Variants in TANC1 observed in about 807,000 individuals in gnomAD.
TANC1 encodes the protein tetratricopeptide repeat, ankyrin repeat and coiled-coil containing 1.
Under a neutral mutation model 149.7 loss-of-function variants are expected in TANC1, and 77 were observed. The ratio of observed to expected loss-of-function variants is 0.51; its 90% CI spans 0.43 to 0.62. The LOEUF is 0.62. TANC1 is among the 20% of genes least tolerant of loss of function. The probability of loss-of-function intolerance (pLI) is 0.00; values close to 1 mark genes in which losing one functional copy is unlikely to be tolerated. For missense variants in TANC1, 1,985 were observed against 2,321.8 expected (o/e 0.85, Z 2.98); for synonymous variants, 854 against 925.0 (o/e 0.92, Z 1.39).
At chr2:158,977,518 C>T (rs2149198031) in intron 1 of TANC1, among the ~76,000 whole-genome samples, 1 of 151,900 alleles carries the variant, frequency 6.6e-6, no homozygotes, top group African/African-American at 2.4e-5. Context: ...ACCATGTTGG[C>T]CAGGCTGGTC....
intron 3 of TANC1, among the ~76,000 whole-genome samples, chr2:159,092,555 C>T (rs1043254709): frequency 1.3e-5 from 2 of 152,160 alleles, no homozygotes; most frequent in African/African-American, 2.4e-5. Flanking sequence ...GGCTTTATTC[C>T]CTTTGATAAT....
chr2:159,020,571 A>C (rs1016638970), intron 2 of TANC1, among the ~76,000 whole-genome samples: 2 of 152,210 alleles, frequency 1.3e-5, no homozygotes, highest in African/African-American at 4.8e-5. Flanking sequence ...TACTTACTGC[A>C]TGGTAGCCAC....
At chr2:159,062,553 G>A (rs1011941928) in intron 2 of TANC1, among the ~76,000 whole-genome samples, 2 of 152,204 alleles carry the variant, frequency 1.3e-5, no homozygotes, top group African/African-American at 4.8e-5. Flanking sequence ...TGCCTACACA[G>A]GTGGGCTTCA....
chr2:159,085,653 G>T (rs995521578), intron 3 of TANC1, among the ~76,000 whole-genome samples: 2 of 152,166 alleles, frequency 1.3e-5, no homozygotes, highest in Non-Finnish European at 2.9e-5. Flanking sequence ...AAGCCAAGGG[G>T]AGCAGGCATG....
rs759804845 is a variant in TANC1, at chr2:159,219,299, C to T, written c.3440C>T (p.Thr1147Met). The change falls in exon 21 of 27, where the codon ACG (threonine) becomes ATG (methionine). Residue 1147 changes from threonine (T) to methionine (M), a missense_variant. Transcript: ENST00000263635. The part of the protein sequence containing the change: ...DVNLSDKQGR[T>M]PLMVAACEGH... ...AACCTAAGTGACAAGCAAGGCCGGACGCCCCTCATGGTGGCTGCTTGTGAA... is the reference window on the plus strand; with the variant it reads ...AACCTAAGTGACAAGCAAGGCCGGATGCCCCTCATGGTGGCTGCTTGTGAA... 62 of 1,614,044 alleles carry T rather than the reference C, an allele frequency of 3.8e-5. No individual in the cohort carries two copies. The highest frequency in any genetic ancestry group is 4.7e-5 in the Non-Finnish European group (56 of 1,180,032).
chr2:159,125,897 A>G (rs1004909249), intron 4 of TANC1, among the ~76,000 whole-genome samples: 2 of 152,014 alleles, frequency 1.3e-5, no homozygotes, highest in Non-Finnish European at 2.9e-5. Context: ...CTAGGTCCCC[A>G]TTTCTTTACT....
intron 2 of TANC1, among the ~76,000 whole-genome samples, chr2:159,053,838 TG>T (rs1334899551): frequency 6.6e-6 from 1 of 152,190 alleles, no homozygotes. Context: ...TCTCCCCCTG[TG>T]GGCTAATGAA....
At chr2:159,003,841 C>A in intron 2 of TANC1, 1 of 1,606,182 alleles carries the variant, frequency 6.2e-7, no homozygotes, top group Non-Finnish European at 8.5e-7. Context: ...GATTTACCAA[C>A]AGCATGAATC....
chr2:159,099,566 C>A (rs1253457397), intron 4 of TANC1, among the ~76,000 whole-genome samples: 2 of 151,494 alleles, frequency 1.3e-5, no homozygotes, highest in Non-Finnish European at 2.9e-5. Flanking sequence ...TGCTCCTGAA[C>A]TTTCTCCTAG....
Position 159,219,977 on chromosome 2 carries a change from A to AGAGAGAGTGTGTGT in TANC1, c.3678+111_3678+112insAGAGAGTGTGTGTG, listed in dbSNP as rs1553616294. 10 of 535,454 alleles carry AGAGAGAGTGTGTGT rather than the reference A, an allele frequency of 1.9e-5. No homozygotes were observed. The African/African-American group carries it at 2.1e-4, about 11-fold the overall frequency. 33.2% of individuals were successfully genotyped at this position (535,454 alleles called of 1,614,324 possible). On this transcript the variant is annotated intron_variant, in intron 22 of 26. Transcript: ENST00000263635. ...AGGTTGTGTCTCAGTGTCATCAGAG[A>AGAGAGAGTGTGTGT]GTGTGTGTGTGTGTGTGTGTGTGTG...
intron 1 of TANC1, among the ~76,000 whole-genome samples, chr2:158,983,316 A>C (rs1008508993): frequency 2.6e-5 from 4 of 151,904 alleles, no homozygotes; most frequent in Non-Finnish European, 5.9e-5. Context: ...AAATACAAAA[A>C]ATTAGCCGGG....
intron 2 of TANC1, among the ~76,000 whole-genome samples, chr2:159,037,742 G>A (rs993020941): frequency 2.0e-5 from 3 of 152,194 alleles, no homozygotes; most frequent in Non-Finnish European, 4.4e-5. Context: ...GTACCATGCT[G>A]TTTTGGTTAC....
chr2:159,173,260 A>G (rs1485266405), intron 11 of TANC1, among the ~76,000 whole-genome samples: 1 of 152,194 alleles, frequency 6.6e-6, no homozygotes, highest in African/African-American at 2.4e-5. Context: ...TATATCCTAT[A>G]ATACACTCTA....
chr2:159,098,946 A>G (rs375529593), intron 4 of TANC1, among the ~76,000 whole-genome samples: 7 of 152,128 alleles, frequency 4.6e-5, no homozygotes, highest in South Asian at 2.1e-4. Context: ...TTCAGAATCT[A>G]TCAAAAATGT....
At chr2:159,199,353 C>T (rs1437540302) in intron 19 of TANC1, among the ~76,000 whole-genome samples, 1 of 152,180 alleles carries the variant, frequency 6.6e-6, no homozygotes, top group Non-Finnish European at 1.5e-5. Context: ...TTCTGATTTG[C>T]CAAATCTCAC....
At chr2:159,132,571 C>G (rs1473620044) in intron 4 of TANC1, among the ~76,000 whole-genome samples, 1 of 152,058 alleles carries the variant, frequency 6.6e-6, no homozygotes, top group Admixed American at 6.5e-5. Flanking sequence ...TCACTGCACC[C>G]TCCATCTCCT....
At chr2:159,140,180 C>G (rs1220874897) in intron 5 of TANC1, among the ~76,000 whole-genome samples, 5 of 151,376 alleles carry the variant, frequency 3.3e-5, no homozygotes, top group African/African-American at 1.2e-4. Context: ...CATGATCACA[C>G]CATTACACTG....
rs540525699 is a variant in TANC1 at position 159,141,436 on chromosome 2, A to C, written c.364+5138A>C. ...CAAATTAGTTCAGGTTCAGTGAAGA[A>C]GAGGTGGTGAATGGAAGATTCTTGA... On this transcript the variant is annotated intron_variant, in intron 5 of 26. Transcript: ENST00000263635. Among the ~76,000 whole-genome samples, 3 of 152,342 alleles carry C rather than the reference A, an allele frequency of 2.0e-5. No individual in the cohort carries two copies. In the East Asian group the frequency reaches 5.8e-4, roughly 29 times the overall value.
intron 7 of TANC1, among the ~76,000 whole-genome samples, chr2:159,162,370 C>T (rs1181454691): frequency 6.6e-6 from 1 of 152,002 alleles, no homozygotes; most frequent in African/African-American, 2.4e-5. Flanking sequence ...GTGGACATGG[C>T]CCCTGTTCTC....
Sources: allele counts gnomAD v4.1 joint callset (sites outside exome capture counted in the v4.1 genomes callset), GRCh38; gene constraint gnomAD v4.1.1; transcripts MANE v1.5; gene names NCBI Gene and HGNC (gene_info 2026-07-23, HGNC 2026-07-21).